ABCA9: variants seen among roughly 807,000 people sequenced by gnomAD.
The protein encoded by ABCA9 is ATP-binding cassette sub-family A member 9.
In ABCA9, 183 loss-of-function variants were observed where a neutral mutation model predicts 205.3. The observed-to-expected ratio is 0.89, with a 90% CI of 0.79 to 1.01. The LOEUF is 1.01. ABCA9 is among the 50% of genes least tolerant of loss of function. The probability of loss-of-function intolerance (pLI) is 0.00; values close to 1 mark genes in which losing one functional copy is unlikely to be tolerated. For missense variants in ABCA9, 1,805 were observed against 1,912.4 expected (o/e 0.94, Z 1.05); for synonymous variants, 651 against 683.3 (o/e 0.95, Z 0.74).
At chr17:68,977,167 G>T (rs2068912367) in intron 37 of ABCA9, among the ~76,000 whole-genome samples, 1 of 152,154 alleles carries the variant, frequency 6.6e-6, no homozygotes, top group Admixed American at 6.5e-5. Flanking sequence ...AGGGAAAGGG[G>T]TTTCAAGGAA....
At chr17:69,017,881 A>C in intron 20 of ABCA9, 92 bp from the exon 21 acceptor site, 30 of 1,382,140 alleles carry the variant, frequency 2.2e-5, no homozygotes, top group Non-Finnish European at 2.6e-5. Context: ...AAAGCATATC[A>C]CACAAAAGGA....
In ABCA9 at chr17:69,029,154, ATAT is replaced by A; in HGVS notation, c.1504+12_1504+14del. On this transcript the variant is annotated intron_variant, in intron 11 of 38. Transcript: ENST00000340001. ...AAATCAAGCAGCCCCATTAAATAAA[ATAT>A]TATTTTATTACCTTTCAAAGCTTCT... 1.3e-6 allele frequency: 2 copies of A among 1,486,126 alleles called. No homozygotes were observed. The highest frequency in any genetic ancestry group is 1.8e-6 in the Non-Finnish European group (2 of 1,088,142). The allele number at this position is 1,486,126 out of a possible 1,614,324, so 92.1% of individuals were successfully genotyped here.
At chr17:69,047,647 AC>A (rs2071762288) in intron 3 of ABCA9, among the ~76,000 whole-genome samples, 1 of 152,238 alleles carries the variant, frequency 6.6e-6, no homozygotes, top group Admixed American at 6.5e-5. Context: ...TCTTATAATT[AC>A]TTTTGTAACT....
chr17:68,980,031 C>G (rs1246951403), intron 37 of ABCA9, among the ~76,000 whole-genome samples: 1 of 152,152 alleles, frequency 6.6e-6, no homozygotes, highest in Non-Finnish European at 1.5e-5. Flanking sequence ...TTGCAATCTA[C>G]TCATCTGACA....
chr17:69,027,558 A>T (rs146968560), intron 13 of ABCA9, 82 bp downstream of exon 13: 1 of 1,559,776 alleles, frequency 6.4e-7, no homozygotes. Context: ...TTAGATGAGG[A>T]ATTATGTATA....
chr17:68,993,290 A>T (rs1349609073), intron 26 of ABCA9, among the ~76,000 whole-genome samples: 1 of 152,184 alleles, frequency 6.6e-6, no homozygotes, highest in Non-Finnish European at 1.5e-5. Flanking sequence ...ATGCCTTTGT[A>T]TGTAACACTG....
At chr17:68,980,355 A>T (rs1487181105) in intron 37 of ABCA9, among the ~76,000 whole-genome samples, 1 of 152,148 alleles carries the variant, frequency 6.6e-6, no homozygotes, top group Non-Finnish European at 1.5e-5. Flanking sequence ...AACTAGTTCA[A>T]CCATTGTGAG....
Position 69,043,503 on chromosome 17 carries a change from T to C in ABCA9, c.786A>G (p.Arg262=). The change falls in exon 6 of 39, where the codon CGA becomes CGG. Residue 262 remains arginine (R), a synonymous_variant. Coordinates refer to ENST00000340001, the MANE Select transcript of ABCA9 (RefSeq NM_080283.4). ...ATATGATTTACCAGAATGCTGACTC[T>C]CGGAGTCCCATCATTGTCATCAATG... ...ITSLMTMMGL[R]ESAFWLSWGL... 6.3e-7 allele frequency: 1 copy of C among 1,594,612 alleles called. No homozygotes were observed. The highest frequency in any genetic ancestry group is 8.5e-7 in the Non-Finnish European group (1 of 1,170,088).
chr17:68,976,766 A>T (rs1271833636), intron 37 of ABCA9, among the ~76,000 whole-genome samples: 2 of 152,190 alleles, frequency 1.3e-5, no homozygotes, highest in Non-Finnish European at 2.9e-5. Context: ...TTCTCGTCTC[A>T]GGTAGTTACA....
At chr17:68,996,094 A>G (rs1394458302) in intron 25 of ABCA9, 80 bp from the exon 26 acceptor site, 1 of 1,451,322 alleles carries the variant, frequency 6.9e-7, no homozygotes, top group East Asian at 2.3e-5. Context: ...GTGGGAATTC[A>G]TTTATAAACG....
At chr17:68,991,606 T>A (rs2144035603) in intron 28 of ABCA9, among the ~76,000 whole-genome samples, 1 of 152,358 alleles carries the variant, frequency 6.6e-6, no homozygotes, top group South Asian at 2.1e-4. Context: ...CACTCTTCTC[T>A]GCTACCACAA....
At chr17:68,995,701 C>T (rs1267739342) in intron 26 of ABCA9, among the ~76,000 whole-genome samples, 194 bp downstream of exon 26, 1 of 151,814 alleles carries the variant, frequency 6.6e-6, no homozygotes, top group Non-Finnish European at 1.5e-5. Flanking sequence ...TTTGACTTGT[C>T]ATAAACCAAA....
chr17:68,983,935 G>C lies in ABCA9; in HGVS notation c.4500-86C>G, dbSNP rs2069144481. On this transcript the variant is annotated intron_variant, in intron 35 of 38. Transcript: ENST00000340001. Reference sequence around the variant, plus strand: ...TTCAGCCTCTGGAGGCCAGAGTAAGGCCACATAGAGTTGGAAGCAACCATG... The same window carrying C: ...TTCAGCCTCTGGAGGCCAGAGTAAGCCCACATAGAGTTGGAAGCAACCATG... 1.9e-6 allele frequency: 3 copies of C among 1,603,126 alleles called. No homozygotes were observed. The Admixed American group carries it at 5.0e-5, about 27-fold the overall frequency.
chr17:69,010,766 G>GAACTT (rs1165514321), intron 23 of ABCA9, among the ~76,000 whole-genome samples: 2 of 152,170 alleles, frequency 1.3e-5, no homozygotes, highest in Non-Finnish European at 2.9e-5. Context: ...GTTTGAAGTA[G>GAACTT]AACTTAAAAG....
intron 28 of ABCA9, 67 bp from the exon 29 acceptor site, chr17:68,991,024 T>A (rs1003760698): frequency 5.1e-6 from 8 of 1,553,680 alleles, no homozygotes; most frequent in Non-Finnish European, 6.1e-6. Flanking sequence ...ATTAATGAAT[T>A]TTCTCTATAC....
chr17:69,045,594 A>G (rs771495434), intron 3 of ABCA9, among the ~76,000 whole-genome samples: 4 of 152,174 alleles, frequency 2.6e-5, no homozygotes, highest in Non-Finnish European at 5.9e-5. Flanking sequence ...TTCTGTTCTT[A>G]CATTGCTATA....
chr17:68,985,162 A>C, intron 32 of ABCA9, 34 bp from the exon 33 acceptor site: 2 of 1,606,196 alleles, frequency 1.2e-6, no homozygotes, highest in East Asian at 2.2e-5. Context: ...CATAATCCCA[A>C]CACTGGCGAA....
chr17:69,019,243 A>G (rs963648796), intron 19 of ABCA9, among the ~76,000 whole-genome samples: 8 of 152,130 alleles, frequency 5.3e-5, no homozygotes, highest in African/African-American at 1.9e-4. Flanking sequence ...CAATTACCCA[A>G]TTAAGCTTCT....
At chr17:69,050,349 C>CGA (rs2071862750) in intron 2 of ABCA9, among the ~76,000 whole-genome samples, 1 of 58,410 alleles carries the variant, frequency 1.7e-5, no homozygotes, top group Non-Finnish European at 3.4e-5. Context: ...CACGAACACA[C>CGA]ACACACACAC....
Sources: gnomAD v4.1 joint callset for allele counts (sites outside exome capture counted in the v4.1 genomes callset) on GRCh38, gnomAD v4.1.1 for gene constraint, MANE v1.5 for transcripts, NCBI Gene and HGNC (gene_info 2026-07-23, HGNC 2026-07-21) for gene names.